Variants in SRGAP2 observed in about 807,000 individuals in gnomAD.
SRGAP2 encodes the protein SLIT-ROBO Rho GTPase-activating protein 2.
A neutral mutation model predicts 57.2 loss-of-function variants in SRGAP2; 15 were observed. The observed-to-expected ratio is 0.26, with a 90% confidence interval of 0.18 to 0.40. SRGAP2 has a LOEUF of 0.40. Ranked by LOEUF, SRGAP2 falls within the 10% of genes least tolerant of loss-of-function variation. The pLI, the probability that SRGAP2 is intolerant of heterozygous loss-of-function variation, is 1.00. For missense variants in SRGAP2, 520 were observed against 669.6 expected, an observed-to-expected ratio of 0.78 and a Z score of 2.47; for synonymous variants, 249 against 248.0, an observed-to-expected ratio of 1.00 and a Z score of -0.04.
intron 5 of SRGAP2, among the ~76,000 whole-genome samples, chr1:206,389,362 A>G (rs1325227894): frequency 6.6e-6 from 1 of 151,696 alleles, no homozygotes; most frequent in Non-Finnish European, 1.5e-5. Context: ...TATTTTTAGT[A>G]GAGGCGGGGT....
Position 206,446,244 on chromosome 1 carries a change from C to G in SRGAP2, c.2044C>G (p.Pro682Ala). 1 of 780,922 alleles carries G rather than the reference C, an allele frequency of 1.3e-6. No homozygotes were observed. The allele number at this position is 780,922 out of a possible 1,614,324, so 48.4% of individuals were successfully genotyped here. The change falls in exon 18 of 23, where the codon CCC becomes GCC. Residue 682 changes from proline (P) to alanine (A), a missense_variant. Transcript: ENST00000573034. The part of the protein sequence containing the change: ...IIQHENIFPS[P>A]RELEGPVYSR... ...CCAGCATGAGAACATCTTCCCAAGCCCCAGGGAGCTGGAGGGCCCTGTCTA... is the reference window on the plus strand; with the variant it reads ...CCAGCATGAGAACATCTTCCCAAGCGCCAGGGAGCTGGAGGGCCCTGTCTA...
chr1:206,462,466 A>G lies in SRGAP2; in HGVS notation c.*1046A>G, dbSNP rs916232359. ...TAATGTTTTTGGCACTTAAAACATA[A>G]AATTCATTATCCTATTAAAAAATTA... is the stretch of plus-strand genomic sequence containing the variant. On this transcript the variant is annotated 3_prime_UTR_variant, in exon 23 of 23. Transcript: ENST00000573034. 6.6e-6 allele frequency: 1 copy of G among 152,634 alleles called. No individual in the cohort carries two copies. Among genetic ancestry groups the G allele is most frequent in the African/African-American group, 2.4e-5 (1 of 41,452 alleles). 9.5% of individuals were successfully genotyped at this position (152,634 alleles called of 1,614,324 possible). A position where few individuals can be genotyped will look rare whatever the true frequency, so the allele number is the denominator to read the frequency against.
chr1:206,461,510 T>G lies in SRGAP2; in HGVS notation c.*90T>G, dbSNP rs952789611. On this transcript the variant is annotated 3_prime_UTR_variant, in exon 23 of 23. Coordinates refer to ENST00000573034, the MANE Select transcript of SRGAP2 (RefSeq NM_015326.5). Reference sequence around the variant, plus strand: ...TATTTAACTAGCTTGGGGACTTCAGTTGAAAATTAGGTTCTAAGTTGTTCT... The same window carrying G: ...TATTTAACTAGCTTGGGGACTTCAGGTGAAAATTAGGTTCTAAGTTGTTCT... The G allele has an allele frequency of 1.5e-6, 1 of 660,438 alleles. No homozygotes were observed. The highest frequency in any genetic ancestry group is 2.8e-6 in the Non-Finnish European group (1 of 360,382). The allele number at this position is 660,438 out of a possible 1,614,324, so 40.9% of individuals were successfully genotyped here.
At chr1:206,306,668 G>A (rs2102767782) in intron 3 of SRGAP2, among the ~76,000 whole-genome samples, 1 of 152,260 alleles carries the variant, frequency 6.6e-6, no homozygotes, top group East Asian at 1.9e-4. Flanking sequence ...ACTGATTGGT[G>A]CATTTACAAT....
At chr1:206,446,463 C>T (rs937377240) in intron 18 of SRGAP2, among the ~76,000 whole-genome samples, 164 bp downstream of exon 18, 1 of 152,280 alleles carries the variant, frequency 6.6e-6, no homozygotes, top group South Asian at 2.1e-4. Context: ...CCACCTCGGC[C>T]CCACCCACAG....
chr1:206,286,652 G>C (rs1171896837), intron 2 of SRGAP2, among the ~76,000 whole-genome samples: 3 of 152,314 alleles, frequency 2.0e-5, no homozygotes, highest in Admixed American at 1.3e-4. Flanking sequence ...TGAGGTAAGA[G>C]CATAATAGAG....
At chr1:206,366,466 C>A (rs541452726) in intron 4 of SRGAP2, among the ~76,000 whole-genome samples, 2 of 152,108 alleles carry the variant, frequency 1.3e-5, no homozygotes, top group African/African-American at 4.8e-5. Context: ...CAGCTCCACA[C>A]ATGCCAGAGA....
At chr1:206,325,273 A>G (rs1189209545) in intron 3 of SRGAP2, among the ~76,000 whole-genome samples, 1 of 152,146 alleles carries the variant, frequency 6.6e-6, no homozygotes, top group Non-Finnish European at 1.5e-5. Flanking sequence ...ATAGCTGAGA[A>G]CAATACTTTC....
intron 13 of SRGAP2, among the ~76,000 whole-genome samples, chr1:206,424,233 G>A (rs1660597735): frequency 6.6e-6 from 1 of 151,976 alleles, no homozygotes; most frequent in Non-Finnish European, 1.5e-5. Context: ...ATTCCTTAAA[G>A]GCCCCTTCTA....
In SRGAP2 at chr1:206,266,966, C is replaced by CTTTTT. The variant is rs1197579154; in HGVS notation, c.68-36299_68-36295dup. On this transcript the variant is annotated intron_variant, in intron 2 of 22. Coordinates refer to ENST00000573034, the MANE Select transcript of SRGAP2 (RefSeq NM_015326.5). ...CTAGAAATCTTTCCAGCAAAACTTA[C>CTTTTT]TTTTTTTTTTTTTTTTTTTTGAGAC... is the stretch of plus-strand genomic sequence containing the variant. Among the ~76,000 whole-genome samples the CTTTTT allele has an allele frequency of 5.6e-4, 39 of 70,068 alleles. 4 individuals carry two copies. Among genetic ancestry groups the CTTTTT allele is most frequent in the East Asian group, 4.2e-3 (6 of 1,438 alleles). 46.0% of individuals were successfully genotyped at this position (70,068 alleles called of 152,430 possible).
At chr1:206,384,391 G>A (rs1206470903) in intron 5 of SRGAP2, among the ~76,000 whole-genome samples, 2 of 151,890 alleles carry the variant, frequency 1.3e-5, no homozygotes, top group African/African-American at 4.9e-5. Flanking sequence ...GCAAACCAGG[G>A]ACCCTGAACT....
rs1334239687 is a variant in SRGAP2, at chr1:206,308,041, A to T, written c.260+4568A>T. 5.4e-5 allele frequency among the ~76,000 whole-genome samples: 8 copies of T among 148,846 alleles called. No homozygotes were observed. In the East Asian group the frequency reaches 1.4e-3, roughly 26 times the overall value. ...CTCAATCTGAATTGTTCTAATTAAG[A>T]TCACATACTAGGAATAGGGTGATTT... On this transcript the variant is annotated intron_variant, in intron 3 of 22. Transcript: ENST00000573034.
intron 2 of SRGAP2, among the ~76,000 whole-genome samples, chr1:206,220,638 G>A (rs1284386841): frequency 1.3e-5 from 2 of 152,124 alleles, no homozygotes; most frequent in African/African-American, 2.4e-5. Flanking sequence ...ATCTATAAAT[G>A]GTCAGTTCCT....
At chr1:206,424,132 C>T (rs1195119727) in intron 13 of SRGAP2, among the ~76,000 whole-genome samples, 1 of 151,956 alleles carries the variant, frequency 6.6e-6, no homozygotes, top group Non-Finnish European at 1.5e-5. Flanking sequence ...TGGACCACTG[C>T]TTTACTATGT....
At chr1:206,292,012 T>C (rs1413547849) in intron 2 of SRGAP2, among the ~76,000 whole-genome samples, 1 of 150,076 alleles carries the variant, frequency 6.7e-6, no homozygotes, top group South Asian at 2.1e-4. Context: ...GGCAAAAGCG[T>C]ACACTTCATT....
chr1:206,448,853 T>C (rs1662992800), intron 18 of SRGAP2, among the ~76,000 whole-genome samples: 1 of 152,216 alleles, frequency 6.6e-6, no homozygotes, highest in African/African-American at 2.4e-5. Context: ...GCCTACATTT[T>C]TTGACAAAGA....
chr1:206,310,106 A>T (rs1379864180), intron 3 of SRGAP2, among the ~76,000 whole-genome samples: 1 of 151,826 alleles, frequency 6.6e-6, no homozygotes, highest in African/African-American at 2.4e-5. Context: ...TGCAAAGATG[A>T]CTAAAACAAG....
intron 3 of SRGAP2, among the ~76,000 whole-genome samples, chr1:206,307,207 A>G (rs1672276798): frequency 1.3e-5 from 2 of 151,084 alleles, no homozygotes; most frequent in African/African-American, 2.4e-5. Flanking sequence ...TGTATTTACA[A>G]TCCTTGAGCT....
chr1:206,270,925 CTG>C (rs2102656717), intron 2 of SRGAP2, among the ~76,000 whole-genome samples: 1 of 7,042 alleles, frequency 1.4e-4, no homozygotes, highest in South Asian at 2.9e-3. Context: ...AGGTGAATGA[CTG>C]TTATACCTAT....
Sources: allele counts gnomAD v4.1 joint callset (sites outside exome capture counted in the v4.1 genomes callset), GRCh38; gene constraint gnomAD v4.1.1; transcripts MANE v1.5; gene names NCBI Gene and HGNC (gene_info 2026-07-23, HGNC 2026-07-21).